Variants in WNT7A observed in about 807,000 individuals in gnomAD.
The protein encoded by WNT7A is Wnt family member 7A.
In WNT7A, 16 loss-of-function variants were observed where a neutral mutation model predicts 28.2. That is an observed-to-expected ratio of 0.57 (90% CI 0.38 to 0.86). WNT7A has a LOEUF of 0.86. Among genes scored for constraint, WNT7A ranks in the 40% least tolerant of loss-of-function variants. WNT7A has a pLI of 0.00. For missense variants in WNT7A, 411 were observed against 489.7 expected (o/e 0.84, Z 1.52); for synonymous variants, 190 against 195.9 (o/e 0.97, Z 0.25).
chr3:13,875,107 G>C lies in WNT7A; in HGVS notation c.138C>G (p.Pro46=), dbSNP rs1227655813. Residue 46 remains proline, a synonymous_variant, in exon 2 of 4, where the codon CCC becomes CCG. Coordinates refer to ENST00000285018, the MANE Select transcript of WNT7A (RefSeq NM_004625.4). ...IICNKIPGLA[P]RQRAICQSRP... is the part of the protein sequence containing the mutation. ...GGCTCTGGCAGATCGCCCGCTGTCTGGGAGCCAGGCCTGGGATCTTGTTAC... is the reference window on the plus strand; with the variant it reads ...GGCTCTGGCAGATCGCCCGCTGTCTCGGAGCCAGGCCTGGGATCTTGTTAC... 1 of 1,614,222 alleles carries C rather than the reference G, an allele frequency of 6.2e-7. No individual in the cohort carries two copies. Among genetic ancestry groups the C allele is most frequent in the South Asian group, 1.1e-5 (1 of 91,080 alleles).
rs772049042 is a variant in WNT7A, at chr3:13,875,014, G to A, written c.231C>T (p.Phe77=). Residue 77 remains phenylalanine (F), a synonymous_variant, in exon 2 of 4, where the codon TTC becomes TTT. Coordinates refer to ENST00000285018, the MANE Select transcript of WNT7A (RefSeq NM_004625.4). ...CAGAGCAGTTCCAGCGGCCATTGCG[G>A]AACTGAAACTGACACTCGTCCAGGC... ...QMGLDECQFQ[F]RNGRWNCSAL... is the part of the protein sequence containing the mutation. 1.7e-5 allele frequency: 27 copies of A among 1,614,108 alleles called. No homozygotes were observed. Among genetic ancestry groups the A allele is most frequent in the Non-Finnish European group, 2.0e-5 (24 of 1,180,048 alleles).
chr3:13,871,922 C>G (rs1024537917), intron 2 of WNT7A, among the ~76,000 whole-genome samples: 1 of 152,180 alleles, frequency 6.6e-6, no homozygotes, highest in African/African-American at 2.4e-5. Context: ...CACCCAGCTC[C>G]TGGCACTTCC....
At chr3:13,869,311 AAG>A (rs1491220676) in intron 2 of WNT7A, among the ~76,000 whole-genome samples, 1 of 137,754 alleles carries the variant, frequency 7.3e-6, no homozygotes, top group East Asian at 2.6e-4. Context: ...GGAAGAGGGA[AAG>A]AGGGAGGGAG....
intron 2 of WNT7A, among the ~76,000 whole-genome samples, chr3:13,868,972 A>G: frequency 7.2e-6 from 1 of 138,080 alleles, no homozygotes; most frequent in African/African-American, 2.8e-5. Context: ...GGAAGGGAGA[A>G]AGAGAAAGAG....
At chr3:13,875,738 A>G (rs2124880165) in intron 1 of WNT7A, among the ~76,000 whole-genome samples, 1 of 152,338 alleles carries the variant, frequency 6.6e-6, no homozygotes, top group Admixed American at 6.5e-5. Flanking sequence ...TTAAAAAGTA[A>G]TTGTAAGTAG....
At chr3:13,866,559 C>G (rs749502343) in intron 2 of WNT7A, among the ~76,000 whole-genome samples, 6 of 152,068 alleles carry the variant, frequency 3.9e-5, no homozygotes, top group Non-Finnish European at 8.8e-5. Context: ...GCAGTGTACA[C>G]TAGAGAGGGG....
chr3:13,865,956 C>T (rs1694904309), intron 2 of WNT7A, among the ~76,000 whole-genome samples: 1 of 152,218 alleles, frequency 6.6e-6, no homozygotes, highest in African/African-American at 2.4e-5. Flanking sequence ...GTGCAGGGTG[C>T]CCTGTCAGGG....
At chr3:13,873,334 ACATTTGT>A (rs1695054303) in intron 2 of WNT7A, among the ~76,000 whole-genome samples, 1 of 151,852 alleles carries the variant, frequency 6.6e-6, no homozygotes, top group South Asian at 2.1e-4. Context: ...TCACCTGGTG[ACATTTGT>A]CACCAGGTGT....
At chr3:13,852,801 G>A (rs1379975574) in intron 3 of WNT7A, among the ~76,000 whole-genome samples, 1 of 152,154 alleles carries the variant, frequency 6.6e-6, no homozygotes, top group Non-Finnish European at 1.5e-5. Context: ...GGGCGGGACG[G>A]GTGTGACTCA....
At chr3:13,867,098 GC>G (rs1202627790) in intron 2 of WNT7A, among the ~76,000 whole-genome samples, 1 of 152,166 alleles carries the variant, frequency 6.6e-6, no homozygotes, top group Non-Finnish European at 1.5e-5. Context: ...CTGGAAGCGG[GC>G]AGGGGATGTC....
chr3:13,856,213 C>A (rs933695784), intron 2 of WNT7A, among the ~76,000 whole-genome samples: 1 of 152,250 alleles, frequency 6.6e-6, no homozygotes, highest in Non-Finnish European at 1.5e-5. Flanking sequence ...AGTCAGAATG[C>A]TTGGGCTCAA....
At chr3:13,874,124 C>T (rs942322963) in intron 2 of WNT7A, among the ~76,000 whole-genome samples, 22 of 152,066 alleles carry the variant, frequency 1.4e-4, no homozygotes, top group African/African-American at 4.6e-4. Context: ...GAGGAGGAGG[C>T]GGCAGGATAC....
chr3:13,856,675 G>T (rs1230176072), intron 2 of WNT7A, among the ~76,000 whole-genome samples: 1 of 151,986 alleles, frequency 6.6e-6, no homozygotes, highest in Non-Finnish European at 1.5e-5. Context: ...AAAATTAGCT[G>T]GGCATGGTGA....
intron 2 of WNT7A, among the ~76,000 whole-genome samples, chr3:13,865,559 G>A (rs1277476670): frequency 2.0e-5 from 3 of 152,184 alleles, no homozygotes; most frequent in East Asian, 3.8e-4. Context: ...AGACATGAAC[G>A]TGCAGTTTTT....
At position 13,829,815 on chromosome 3, in the gene WNT7A, C is replaced by CAG. The variant is rs781657067; in HGVS notation, c.571-10394_571-10393dup. Among the ~76,000 whole-genome samples the CAG allele has an allele frequency of 5.9e-5, 9 of 152,220 alleles. No homozygotes were observed. In the East Asian group the frequency reaches 1.2e-3, roughly 20 times the overall value. ...CCATTTCTGTGCAGTGCAGCAGGTG[C>CAG]AGAGATGAGAGGAAGTGACCATTTC... On this transcript the variant is annotated intron_variant, in intron 3 of 3. Transcript: ENST00000285018.
chr3:13,843,918 T>G (rs1477769352), intron 3 of WNT7A, among the ~76,000 whole-genome samples: 9 of 152,138 alleles, frequency 5.9e-5, no homozygotes, highest in Non-Finnish European at 1.3e-4. Context: ...AGCTAACTTT[T>G]ATATTTTTAG....
At chr3:13,824,156 T>C (rs1694158031) in intron 3 of WNT7A, among the ~76,000 whole-genome samples, 1 of 152,240 alleles carries the variant, frequency 6.6e-6, no homozygotes, top group South Asian at 2.1e-4. Flanking sequence ...TGGTTTTTAG[T>C]ATATTCAGAA....
At chr3:13,825,946 ACTC>A (rs1344554429) in intron 3 of WNT7A, among the ~76,000 whole-genome samples, 1 of 151,416 alleles carries the variant, frequency 6.6e-6, no homozygotes, top group Non-Finnish European at 1.5e-5. Context: ...CACCGGCCAC[ACTC>A]CTCGGGCCAG....
chr3:13,825,658 C>T (rs1031207697), intron 3 of WNT7A, among the ~76,000 whole-genome samples: 2 of 152,244 alleles, frequency 1.3e-5, no homozygotes, highest in Non-Finnish European at 2.9e-5. Flanking sequence ...AGTGCATAGC[C>T]TCCAGCTGTC....
Sources: gnomAD v4.1 joint callset for allele counts (sites outside exome capture counted in the v4.1 genomes callset) on GRCh38, gnomAD v4.1.1 for gene constraint, MANE v1.5 for transcripts, NCBI Gene and HGNC (gene_info 2026-07-23, HGNC 2026-07-21) for gene names.